The following CFAP299 variants were observed in gnomAD, a reference collection of about 807,000 sequenced individuals.
The protein encoded by CFAP299 is cilia- and flagella-associated protein 299.
In CFAP299, 21 loss-of-function variants were observed where a neutral mutation model predicts 27.0. The observed-to-expected ratio is 0.78, with a 90% confidence interval of 0.55 to 1.12. CFAP299 has a LOEUF of 1.12. Among genes scored for constraint, CFAP299 ranks in the 50% most tolerant of loss-of-function variants. The pLI is 0.00. For missense variants in CFAP299, 310 were observed against 276.6 expected (o/e 1.12, Z -0.86); for synonymous variants, 104 against 98.1 (o/e 1.06, Z -0.36).
At chr4:80,426,545 G>GA (rs1291722288) in intron 2 of CFAP299, among the ~76,000 whole-genome samples, 2 of 152,156 alleles carry the variant, frequency 1.3e-5, no homozygotes, top group Non-Finnish European at 1.5e-5. Context: ...AAACTTGCCT[G>GA]TTCATAAGAA....
At chr4:80,839,383 C>A (rs1028666897) in intron 3 of CFAP299, among the ~76,000 whole-genome samples, 2 of 152,140 alleles carry the variant, frequency 1.3e-5, no homozygotes, top group African/African-American at 4.8e-5. Flanking sequence ...GAAGGAAATA[C>A]TGTCTCTTGT....
chr4:80,660,872 C>A (rs1162203060), intron 3 of CFAP299, among the ~76,000 whole-genome samples: 1 of 152,054 alleles, frequency 6.6e-6, no homozygotes, highest in Non-Finnish European at 1.5e-5. Flanking sequence ...GATGTAGCTA[C>A]AAGTGCAGTG....
intron 3 of CFAP299, among the ~76,000 whole-genome samples, chr4:80,772,918 A>G (rs948899383): frequency 6.6e-6 from 1 of 152,198 alleles, no homozygotes; most frequent in Non-Finnish European, 1.5e-5. Flanking sequence ...ACATATGTTT[A>G]TTGTAGCACT....
intron 3 of CFAP299, among the ~76,000 whole-genome samples, chr4:80,699,280 C>A (rs906356766): frequency 2.6e-5 from 4 of 152,130 alleles, no homozygotes; most frequent in Admixed American, 2.0e-4. Context: ...TTGGGCATAG[C>A]AGACTCCTCT....
intron 2 of CFAP299, among the ~76,000 whole-genome samples, chr4:80,396,109 T>A (rs894033964): frequency 5.3e-5 from 8 of 152,156 alleles, no homozygotes; most frequent in South Asian, 2.1e-4. Flanking sequence ...GCATTCTCAA[T>A]TTGCTTAGTT....
chr4:80,350,062 A>G (rs934867654), intron 1 of CFAP299, among the ~76,000 whole-genome samples: 3 of 152,210 alleles, frequency 2.0e-5, no homozygotes, highest in African/African-American at 7.2e-5. Context: ...CCAGCAATGA[A>G]TAAGATAATA....
chr4:80,910,065 A>T lies in CFAP299; in HGVS notation c.477-34745A>T, dbSNP rs372641088. ...AACAGCTGAATATATGTCTGATTCC[A>T]AAAAGTCCTGTTAGCCTAGCAAGTT... On this transcript the variant is annotated intron_variant, in intron 4 of 5. Coordinates refer to ENST00000358105, the MANE Select transcript of CFAP299 (RefSeq NM_152770.3). Among the ~76,000 whole-genome samples, 6 of 152,166 alleles carry T rather than the reference A, an allele frequency of 3.9e-5. No homozygotes were observed. The East Asian group carries it at 1.2e-3, about 29-fold the overall frequency.
rs546262085 is a variant in CFAP299, at chr4:80,364,961, A to C, written c.242+2077A>C. Among the ~76,000 whole-genome samples, 20 of 152,300 alleles carry C rather than the reference A, an allele frequency of 1.3e-4. No homozygotes were observed. The South Asian group carries it at 3.9e-3, about 30-fold the overall frequency. ...CTCATTCTTTTTATGGCTGCATAGT[A>C]TTCCATGGTATATATGTACCATATT... On this transcript the variant is annotated intron_variant, in intron 2 of 5. Coordinates refer to ENST00000358105, the MANE Select transcript of CFAP299 (RefSeq NM_152770.3).
intron 2 of CFAP299, among the ~76,000 whole-genome samples, chr4:80,462,619 CTTTCTTATGTCTTCATAGATTCTAA>C (rs1181465290): frequency 6.6e-6 from 1 of 152,116 alleles, no homozygotes; most frequent in Non-Finnish European, 1.5e-5. Flanking sequence ...TACTCATTTG[CTTTCTTATGTCTTCATAGATTCTAA>C]GTGATCTCAT....
At chr4:80,745,789 A>G (rs189676107) in intron 3 of CFAP299, among the ~76,000 whole-genome samples, 1 of 151,910 alleles carries the variant, frequency 6.6e-6, no homozygotes, top group East Asian at 1.9e-4. Flanking sequence ...TTTAGTCATC[A>G]TGTTGCTTTA....
At chr4:80,818,332 T>C (rs1217677370) in intron 3 of CFAP299, among the ~76,000 whole-genome samples, 1 of 152,194 alleles carries the variant, frequency 6.6e-6, no homozygotes, top group African/African-American at 2.4e-5. Context: ...AAATTTTGTT[T>C]TGTTTGGTTC....
intron 3 of CFAP299, among the ~76,000 whole-genome samples, chr4:80,749,997 A>G (rs189382659): frequency 6.6e-6 from 1 of 152,356 alleles, no homozygotes; most frequent in East Asian, 1.9e-4. Context: ...CTTAGCAATT[A>G]TTAAAGTAAA....
At chr4:80,936,766 A>C (rs1736909246) in intron 4 of CFAP299, among the ~76,000 whole-genome samples, 2 of 152,140 alleles carry the variant, frequency 1.3e-5, no homozygotes, top group South Asian at 4.1e-4. Context: ...ACAAATCTGC[A>C]CATGTACTCC....
At chr4:80,846,376 A>T (rs1578177682) in intron 3 of CFAP299, among the ~76,000 whole-genome samples, 1 of 152,256 alleles carries the variant, frequency 6.6e-6, no homozygotes, top group African/African-American at 2.4e-5. Context: ...TCAGGGTCTT[A>T]CTTTGTTCAA....
chr4:80,948,586 T>G (rs914350837), intron 5 of CFAP299, among the ~76,000 whole-genome samples: 2 of 152,046 alleles, frequency 1.3e-5, no homozygotes, highest in South Asian at 2.1e-4. Flanking sequence ...ATAGTTTGCT[T>G]TGAGTCTTAC....
intron 4 of CFAP299, among the ~76,000 whole-genome samples, chr4:80,904,910 C>A (rs945123233): frequency 5.9e-5 from 9 of 151,812 alleles, no homozygotes; most frequent in Non-Finnish European, 1.3e-4. Context: ...CAAGAAAATG[C>A]ACATGCTTAA....
chr4:80,829,210 G>A (rs1730160876), intron 3 of CFAP299, among the ~76,000 whole-genome samples: 1 of 151,890 alleles, frequency 6.6e-6, no homozygotes. Context: ...AATATATAGT[G>A]AATTTCTAAA....
chr4:80,539,754 A>G (rs925136180), intron 2 of CFAP299, among the ~76,000 whole-genome samples: 1 of 152,196 alleles, frequency 6.6e-6, no homozygotes, highest in Non-Finnish European at 1.5e-5. Flanking sequence ...AAAAATATAG[A>G]ATCTAAGAAA....
chr4:80,866,501 G>A (rs973725396), intron 3 of CFAP299, among the ~76,000 whole-genome samples: 1 of 152,020 alleles, frequency 6.6e-6, no homozygotes. Flanking sequence ...TAAATGCTCA[G>A]GTTTAAGCAG....
Sources: gnomAD v4.1 joint callset for allele counts (sites outside exome capture counted in the v4.1 genomes callset) on GRCh38, gnomAD v4.1.1 for gene constraint, MANE v1.5 for transcripts, NCBI Gene and HGNC (gene_info 2026-07-23, HGNC 2026-07-21) for gene names.